The following HPSE2 variants were observed in gnomAD, a reference collection of about 807,000 sequenced individuals.
HPSE2 encodes the protein inactive heparanase-2.
A neutral mutation model predicts 60.5 loss-of-function variants in HPSE2; 38 were observed. The observed-to-expected ratio is 0.63, with a 90% CI of 0.48 to 0.82. The LOEUF (loss-of-function observed/expected upper bound fraction) is 0.82. Among genes scored for constraint, HPSE2 ranks in the 40% least tolerant of loss-of-function variants. The pLI is 0.00. For missense variants in HPSE2, 713 were observed against 740.4 expected (o/e 0.96, Z 0.43); for synonymous variants, 295 against 293.2 (o/e 1.01, Z -0.06).
intron 3 of HPSE2, among the ~76,000 whole-genome samples, chr10:98,989,078 G>A (rs1207957865): frequency 2.6e-5 from 4 of 151,924 alleles, no homozygotes; most frequent in Non-Finnish European, 4.4e-5. Context: ...CATTGTGGAA[G>A]TCAGTGTGGC....
chr10:98,462,012 G>C (rs1323452695), intron 11 of HPSE2, among the ~76,000 whole-genome samples: 3 of 152,206 alleles, frequency 2.0e-5, no homozygotes, highest in Middle Eastern at 3.2e-3. Flanking sequence ...TAACTAGCTA[G>C]ATGGCTTTGG....
intron 2 of HPSE2, among the ~76,000 whole-genome samples, chr10:99,219,424 A>G (rs546229694): frequency 6.6e-6 from 1 of 152,216 alleles, no homozygotes; most frequent in Admixed American, 6.5e-5. Flanking sequence ...ACCCTTGCAC[A>G]CCTACAAGCA....
chr10:98,796,844 G>A (rs1273107518), intron 3 of HPSE2, among the ~76,000 whole-genome samples: 1 of 152,190 alleles, frequency 6.6e-6, no homozygotes, highest in Non-Finnish European at 1.5e-5. Context: ...GACTACATTT[G>A]TTTGGGAGAA....
chr10:98,632,415 T>G (rs1374232186), intron 7 of HPSE2, among the ~76,000 whole-genome samples: 1 of 152,190 alleles, frequency 6.6e-6, no homozygotes, highest in African/African-American at 2.4e-5. Flanking sequence ...TCTCTAATAT[T>G]TGTTCTAAGA....
chr10:98,831,079 A>G (rs555643262), intron 3 of HPSE2, among the ~76,000 whole-genome samples: 55 of 152,300 alleles, frequency 3.6e-4, no homozygotes, highest in African/African-American at 1.3e-3. Context: ...CTTATACAAC[A>G]GCACATTTTT....
At chr10:98,730,901 G>A (rs1949210968) in intron 4 of HPSE2, among the ~76,000 whole-genome samples, 1 of 152,110 alleles carries the variant, frequency 6.6e-6, no homozygotes, top group African/African-American at 2.4e-5. Context: ...AAACACCAAT[G>A]CTTTACAAAC....
chr10:99,286,548 G>A, the HPSE2 span, among the ~76,000 whole-genome samples: 2 of 152,104 alleles, frequency 1.3e-5, no homozygotes, highest in African/African-American at 4.8e-5. Context: ...TGGGCGATGA[G>A]GGTTAGTGCT....
chr10:99,305,961 A>ATAAGCGCGCGCG, the HPSE2 span, among the ~76,000 whole-genome samples: 1 of 103,062 alleles, frequency 9.7e-6, no homozygotes. Context: ...ACTCACACAC[A>ATAAGCGCGCGCG]CGCGCGCGCG....
At chr10:98,812,795 A>T (rs1951198083) in intron 3 of HPSE2, among the ~76,000 whole-genome samples, 1 of 152,132 alleles carries the variant, frequency 6.6e-6, no homozygotes, top group South Asian at 2.1e-4. Flanking sequence ...AATAAAAGTC[A>T]CCTCAAACTT....
intron 3 of HPSE2, among the ~76,000 whole-genome samples, chr10:98,923,903 T>C (rs1954366034): frequency 6.6e-6 from 1 of 152,172 alleles, no homozygotes; most frequent in Admixed American, 6.5e-5. Flanking sequence ...GATTGATCCC[T>C]GGTACCTCAT....
chr10:98,566,458 C>T (rs1944347864), intron 9 of HPSE2, among the ~76,000 whole-genome samples: 1 of 152,182 alleles, frequency 6.6e-6, no homozygotes, highest in Non-Finnish European at 1.5e-5. Context: ...GGATGGAGAA[C>T]CTTTCTAGTG....
chr10:98,987,078 G>T (rs1224854748), intron 3 of HPSE2, among the ~76,000 whole-genome samples: 2 of 151,800 alleles, frequency 1.3e-5, no homozygotes, highest in Admixed American at 6.6e-5. Flanking sequence ...GGAGGAGCTG[G>T]TACCATTCCT....
At chr10:98,490,352 A>G (rs1393608575) in intron 9 of HPSE2, among the ~76,000 whole-genome samples, 156 bp from the exon 10 acceptor site, 2 of 152,158 alleles carry the variant, frequency 1.3e-5, no homozygotes, top group Non-Finnish European at 2.9e-5. Context: ...CCCTAAGCCT[A>G]CAAGCATGGT....
intron 3 of HPSE2, among the ~76,000 whole-genome samples, chr10:98,746,918 T>A (rs1292780676): frequency 1.3e-5 from 2 of 151,974 alleles, no homozygotes; most frequent in African/African-American, 4.8e-5. Context: ...ACTAAACAGA[T>A]TCTAAGGAAA....
At chr10:99,282,079 G>A in the HPSE2 span, among the ~76,000 whole-genome samples, 2 of 152,072 alleles carry the variant, frequency 1.3e-5, no homozygotes, top group African/African-American at 4.8e-5. Flanking sequence ...CTAACAAGGT[G>A]AAACCCTGTC....
intron 6 of HPSE2, among the ~76,000 whole-genome samples, chr10:98,664,225 G>C (rs473876): frequency 0.18 from 28,028 of 151,826 alleles, 3,027 homozygotes; most frequent in East Asian, 0.33. Flanking sequence ...TCTGCCAGTG[G>C]GCACAACTGT....
chr10:98,511,130 GT>G (rs11393115), intron 9 of HPSE2, among the ~76,000 whole-genome samples: 8 of 139,084 alleles, frequency 5.8e-5, no homozygotes, highest in African/African-American at 1.8e-4. Flanking sequence ...ATGTGTTGCT[GT>G]TTTTTTTTTG....
chr10:98,983,860 C>G (rs551380566), intron 3 of HPSE2, among the ~76,000 whole-genome samples: 2 of 152,170 alleles, frequency 1.3e-5, no homozygotes, highest in Non-Finnish European at 2.9e-5. Flanking sequence ...GCGCCTGGCT[C>G]GGAGGGACCT....
At chr10:99,031,384 A>G (rs968447803) in intron 3 of HPSE2, among the ~76,000 whole-genome samples, 84 of 152,282 alleles carry the variant, frequency 5.5e-4, no homozygotes, top group African/African-American at 1.9e-3. Context: ...ATATAACCCT[A>G]TGCATTATCC....
Sources: allele counts gnomAD v4.1 joint callset (sites outside exome capture counted in the v4.1 genomes callset), GRCh38; gene constraint gnomAD v4.1.1; transcripts MANE v1.5; gene names NCBI Gene and HGNC (gene_info 2026-07-23, HGNC 2026-07-21).